Variants in RBFOX1 observed in about 807,000 individuals in gnomAD.
RBFOX1 encodes the protein RNA binding fox-1 homolog 1, also known as RNA binding protein fox-1 homolog 1.
Under a neutral mutation model 57.7 loss-of-function variants are expected in RBFOX1, and 8 were observed. The ratio of observed to expected loss-of-function variants is 0.14; its 90% confidence interval spans 0.08 to 0.25. The LOEUF (loss-of-function observed/expected upper bound fraction) is 0.25, where lower values mean the gene tolerates loss of function less well. Among genes scored for constraint, RBFOX1 ranks in the 10% least tolerant of loss-of-function variants. The pLI is 1.00. For missense variants in RBFOX1, 611 were observed against 548.5 expected, an observed-to-expected ratio of 1.11 and a Z score of -1.14; for synonymous variants, 326 against 222.4, an observed-to-expected ratio of 1.47 and a Z score of -4.15.
At chr16:6,980,004 C>G (rs543132085) in intron 3 of RBFOX1, among the ~76,000 whole-genome samples, 1 of 152,050 alleles carries the variant, frequency 6.6e-6, no homozygotes, top group Non-Finnish European at 1.5e-5. Context: ...TTCTCCTTCC[C>G]AGCCTTAATG....
chr16:7,357,009 C>T (rs1289827074), intron 4 of RBFOX1, among the ~76,000 whole-genome samples: 5 of 152,182 alleles, frequency 3.3e-5, no homozygotes, highest in Non-Finnish European at 7.3e-5. Flanking sequence ...GGCCATTTCA[C>T]ACCAGCAGAA....
chr16:7,618,358 T>TGTG (rs2058789133), intron 10 of RBFOX1, among the ~76,000 whole-genome samples: 1 of 152,290 alleles, frequency 6.6e-6, no homozygotes, highest in African/African-American at 2.4e-5. Context: ...CGTGAAGCCC[T>TGTG]GTGGTGCTGG....
intron 1 of RBFOX1, among the ~76,000 whole-genome samples, chr16:6,250,881 A>C (rs2097604897): frequency 6.6e-6 from 1 of 152,076 alleles, no homozygotes; most frequent in African/African-American, 2.4e-5. Context: ...GGATTATCCA[A>C]CCTGGTTGAT....
In RBFOX1 at chr16:5,762,750, A is replaced by G. The variant is rs74662187; in HGVS notation, c.319-104553A>G. Among the ~76,000 whole-genome samples, 1,290 of 152,340 alleles carry G rather than the reference A, an allele frequency of 8.5e-3. 7 individuals are homozygous for G. Among genetic ancestry groups the G allele is most frequent in the Middle Eastern group, 0.02 (6 of 294 alleles). ...AAAATGGAATCCTTTGCAGCCATTA[A>G]ATATGATTTGGTAAACACGTTTGGA... is the stretch of plus-strand genomic sequence containing the variant. On this transcript the variant is annotated intron_variant, in intron 3 of 19. Transcript: ENST00000641259.
chr16:6,475,078 A>G (rs936700459), intron 2 of RBFOX1, among the ~76,000 whole-genome samples: 5 of 152,200 alleles, frequency 3.3e-5, no homozygotes, highest in South Asian at 4.1e-4. Context: ...TTTTAGTTCT[A>G]TATGCAGTAG....
intron 4 of RBFOX1, among the ~76,000 whole-genome samples, chr16:7,389,197 C>G (rs1011170114): frequency 1.3e-5 from 2 of 152,184 alleles, no homozygotes; most frequent in Admixed American, 6.5e-5. Flanking sequence ...GTGATCACAG[C>G]TCATGGCAGC....
intron 4 of RBFOX1, among the ~76,000 whole-genome samples, chr16:7,365,363 G>A (rs913961991): frequency 2.0e-5 from 3 of 152,084 alleles, no homozygotes; most frequent in African/African-American, 7.2e-5. Flanking sequence ...TTTTTTTATA[G>A]TCTCAGTCCA....
intron 2 of RBFOX1, among the ~76,000 whole-genome samples, chr16:5,541,322 G>C (rs189981947): frequency 6.6e-6 from 1 of 152,208 alleles, no homozygotes; most frequent in Admixed American, 6.5e-5. Flanking sequence ...AGTTTATTTT[G>C]TCAAGGTTGA....
intron 14 of RBFOX1, among the ~76,000 whole-genome samples, chr16:7,679,072 G>A (rs2074099060): frequency 6.6e-6 from 1 of 152,070 alleles, no homozygotes; most frequent in Non-Finnish European, 1.5e-5. Flanking sequence ...CTTGCCACAT[G>A]GTATTATTCA....
In RBFOX1 at chr16:6,090,133, C is replaced by T. The variant is rs150588555; in HGVS notation, c.-127+70141C>T. The stretch of plus-strand genomic sequence containing the variant: ...CCCCTTCTTCCATCTTCAAAGCCAG[C>T]ATTGGTGAGTTGAGTCCTTTTTCAC... On this transcript the variant is annotated intron_variant, in intron 1 of 15. Coordinates refer to ENST00000550418, the MANE Select transcript of RBFOX1 (RefSeq NM_018723.4). The T allele has an allele frequency of 2.0e-3, 300 of 152,312 alleles. 3 individuals are homozygous for T. The highest frequency in any genetic ancestry group is 3.3e-3 in the Non-Finnish European group (225 of 68,058). The allele number at this position is 152,312 out of a possible 1,614,324, so 9.4% of individuals were successfully genotyped here.
At chr16:5,376,589 C>T (rs530169749) in intron 1 of RBFOX1, among the ~76,000 whole-genome samples, 43 of 152,122 alleles carry the variant, frequency 2.8e-4, no homozygotes, top group African/African-American at 8.9e-4. Flanking sequence ...GCAGTGTTGC[C>T]GGGAGACATT....
At chr16:7,308,179 A>C (rs2096235953) in intron 4 of RBFOX1, among the ~76,000 whole-genome samples, 1 of 152,166 alleles carries the variant, frequency 6.6e-6, no homozygotes, top group African/African-American at 2.4e-5. Flanking sequence ...TATTGTAAGT[A>C]ATAGAGGGCA....
chr16:6,007,671 T>G (rs2094935449), intron 4 of RBFOX1, among the ~76,000 whole-genome samples: 1 of 152,190 alleles, frequency 6.6e-6, no homozygotes, highest in Admixed American at 6.5e-5. Context: ...GCGTAAATAG[T>G]AGGCACTCAA....
intron 4 of RBFOX1, among the ~76,000 whole-genome samples, chr16:7,291,157 TAGA>T (rs1463993146): frequency 9.2e-5 from 14 of 152,262 alleles, no homozygotes; most frequent in African/African-American, 3.4e-4. Context: ...GGGAGATATG[TAGA>T]AGAAGTACCA....
intron 1 of RBFOX1, among the ~76,000 whole-genome samples, chr16:5,331,760 A>G (rs2064763521): frequency 6.6e-6 from 1 of 152,280 alleles, no homozygotes; most frequent in South Asian, 2.1e-4. Flanking sequence ...GGCTCTCAGC[A>G]GCTCAGGTGA....
At chr16:6,850,030 G>C (rs927922527) in intron 3 of RBFOX1, among the ~76,000 whole-genome samples, 1 of 152,142 alleles carries the variant, frequency 6.6e-6, no homozygotes, top group African/African-American at 2.4e-5. Context: ...TTTTCTCAAA[G>C]AAATACACCA....
intron 3 of RBFOX1, among the ~76,000 whole-genome samples, chr16:6,882,550 C>T (rs182597537): frequency 9.5e-4 from 145 of 151,972 alleles, no homozygotes; most frequent in South Asian, 1.9e-3. Flanking sequence ...GAGCTGAGAT[C>T]GCACCACTGC....
intron 4 of RBFOX1, among the ~76,000 whole-genome samples, chr16:7,221,525 C>G (rs1171035032): frequency 6.6e-6 from 1 of 151,990 alleles, no homozygotes; most frequent in Non-Finnish European, 1.5e-5. Flanking sequence ...TGCCATCACA[C>G]CTAGCTAATT....
At chr16:6,859,348 A>G (rs1190944787) in intron 3 of RBFOX1, among the ~76,000 whole-genome samples, 2 of 151,602 alleles carry the variant, frequency 1.3e-5, no homozygotes, top group African/African-American at 2.4e-5. Context: ...CAAAAATTCT[A>G]TGCAAAATTC....
Sources: allele counts gnomAD v4.1 joint callset (sites outside exome capture counted in the v4.1 genomes callset), GRCh38; gene constraint gnomAD v4.1.1; transcripts MANE v1.5; gene names NCBI Gene and HGNC (gene_info 2026-07-23, HGNC 2026-07-21).